Variants in DNAH6 observed in about 807,000 individuals in gnomAD.
The protein encoded by DNAH6 is dynein axonemal heavy chain 6.
DNAH6 carries 340 observed loss-of-function variants against 491.4 expected under a neutral mutation model. The ratio of observed to expected loss-of-function variants is 0.69; its 90% CI spans 0.63 to 0.76. The LOEUF (loss-of-function observed/expected upper bound fraction) is 0.76, where lower values mean the gene tolerates loss of function less well. Among genes scored for constraint, DNAH6 ranks in the 30% least tolerant of loss-of-function variants. The probability of loss-of-function intolerance (pLI) is 0.00; values close to 1 mark genes in which losing one functional copy is unlikely to be tolerated. For synonymous variants in DNAH6, 1,603 were observed against 1,686.1 expected (o/e 0.95, Z 1.21); for missense variants, 4,443 against 4,972.2 (o/e 0.89, Z 3.20).
chr2:84,721,937 C>A (rs1310634615), intron 59 of DNAH6, among the ~76,000 whole-genome samples: 3 of 152,150 alleles, frequency 2.0e-5, no homozygotes, highest in Non-Finnish European at 4.4e-5. Flanking sequence ...CAGGGGCAGA[C>A]AGCAGTAGAA....
intron 63 of DNAH6, among the ~76,000 whole-genome samples, chr2:84,752,614 A>G (rs1341603509): frequency 2.0e-5 from 3 of 151,834 alleles, no homozygotes; most frequent in African/African-American, 7.3e-5. Context: ...GTCATCCCCC[A>G]GTGCCATCAT....
rs1198561154 is a variant in DNAH6 at position 84,669,488 on chromosome 2, C to T, written c.6284C>T (p.Thr2095Ile). Reference sequence around the variant, plus strand: ...GCAGTCAAGCATTCCGTGTTGTTTACTGGAATAACTGGAGTGGGCAAGGTA... The same window carrying T: ...GCAGTCAAGCATTCCGTGTTGTTTATTGGAATAACTGGAGTGGGCAAGGTA... ...LLAVKHSVLF[T>I]GITGVGKSVI... Residue 2095 changes from threonine (T) to isoleucine (I), a missense_variant, in exon 38 of 77, where the codon ACT becomes ATT. Physicochemically the swap from Thr to Ile is moderately conservative, Grantham distance 89 (BLOSUM62 -1). This residue lies in a region of DNAH6 where 2,977 missense variants were observed against 3,296.6 expected (regional missense o/e 0.90). Transcript: ENST00000389394. 1.3e-6 allele frequency: 2 copies of T among 1,551,708 alleles called. No homozygotes were observed. The highest frequency in any genetic ancestry group is 2.4e-5 in the South Asian group (2 of 84,060).
intron 18 of DNAH6, 57 bp downstream of exon 18, chr2:84,595,846 C>T: frequency 7.0e-7 from 1 of 1,423,530 alleles, no homozygotes; most frequent in Non-Finnish European, 9.2e-7. Flanking sequence ...TTAATTGATG[C>T]TAATGAGACC....
chr2:84,490,232 G>T, the DNAH6 span, among the ~76,000 whole-genome samples: 9 of 3,900 alleles, frequency 2.3e-3, no homozygotes, highest in South Asian at 0.22. Flanking sequence ...AAGTCTTAAC[G>T]CTTGGTTTTC....
At chr2:84,744,622 A>C in intron 62 of DNAH6, among the ~76,000 whole-genome samples, 1 of 152,010 alleles carries the variant, frequency 6.6e-6, no homozygotes. Flanking sequence ...TACCTCTAAC[A>C]GTTATTATTT....
In DNAH6 at chr2:84,819,226, G is replaced by C. The variant is rs545946682; in HGVS notation, c.12374-79G>C. ...GTCAGGCCTGGAACCCAGATGTCTT[G>C]ACTCTTTGTAGCCTCTCTCTTTGTA... is the stretch of plus-strand genomic sequence containing the variant. On this transcript the variant is annotated intron_variant, in intron 76 of 76. Transcript: ENST00000389394. 4.8e-6 allele frequency: 5 copies of C among 1,037,878 alleles called. No individual in the cohort carries two copies. The African/African-American group carries it at 6.5e-5, about 13-fold the overall frequency. 64.3% of individuals were successfully genotyped at this position (1,037,878 alleles called of 1,614,324 possible).
intron 17 of DNAH6, among the ~76,000 whole-genome samples, chr2:84,594,761 G>A (rs569380177): frequency 5.3e-5 from 8 of 152,226 alleles, no homozygotes; most frequent in African/African-American, 1.9e-4. Context: ...TAATTAGAAG[G>A]CACATGTCTT....
intron 40 of DNAH6, among the ~76,000 whole-genome samples, chr2:84,676,402 G>A (rs577656566): frequency 1.3e-5 from 2 of 152,300 alleles, no homozygotes; most frequent in East Asian, 3.9e-4. Flanking sequence ...CAAAAAGGCT[G>A]TGATGTGCCT....
Position 84,694,476 on chromosome 2 carries a change from C to T in DNAH6, c.7520C>T (p.Thr2507Ile), listed in dbSNP as rs769181755. The T allele has an allele frequency of 5.3e-5, 82 of 1,550,408 alleles. No homozygotes were observed. The highest frequency in any genetic ancestry group is 5.8e-5 in the Non-Finnish European group (66 of 1,145,914). The change falls in exon 46 of 77, where the codon ACC (threonine) becomes ATC (isoleucine). Residue 2507 changes from threonine (T) to isoleucine (I), a missense_variant. Transcript: ENST00000389394. ...DKNMVFLFTD[T>I]QIVVEEFLED... ...AATATGGTTTTCCTTTTCACTGACA[C>T]CCAGGTGTGTGTTTAAATAGCCCAT...
At chr2:84,677,507 TCCACTTG>T (rs1282823364) in intron 41 of DNAH6, among the ~76,000 whole-genome samples, 1 of 152,168 alleles carries the variant, frequency 6.6e-6, no homozygotes, top group Non-Finnish European at 1.5e-5. Flanking sequence ...GGTCTGCGTG[TCCACTTG>T]CCACCAAACT....
intron 68 of DNAH6, among the ~76,000 whole-genome samples, chr2:84,787,978 G>A (rs969135140): frequency 4.6e-5 from 7 of 152,108 alleles, no homozygotes; most frequent in Admixed American, 6.5e-5. Context: ...AAAGGAAATC[G>A]ATGATTTTCA....
the DNAH6 span, among the ~76,000 whole-genome samples, chr2:84,501,334 T>C: frequency 6.6e-6 from 1 of 152,256 alleles, no homozygotes; most frequent in East Asian, 1.9e-4. Flanking sequence ...ATTGATTCAT[T>C]TGCATATGTT....
chr2:84,689,617 A>G (rs1198712125), intron 45 of DNAH6, among the ~76,000 whole-genome samples: 1 of 152,214 alleles, frequency 6.6e-6, no homozygotes, highest in Non-Finnish European at 1.5e-5. Flanking sequence ...TGGAAGTCAC[A>G]TAGCATCATT....
At chr2:84,672,272 A>G in intron 39 of DNAH6, 55 bp from the exon 40 acceptor site, 1 of 1,510,686 alleles carries the variant, frequency 6.6e-7, no homozygotes, top group Non-Finnish European at 8.9e-7. Flanking sequence ...GCTTTGTCTT[A>G]CATTTTCTAA....
intron 22 of DNAH6, 76 bp downstream of exon 22, chr2:84,611,930 T>TTA: frequency 7.7e-7 from 1 of 1,302,718 alleles, no homozygotes; most frequent in Non-Finnish European, 1.0e-6. Flanking sequence ...CAGACTAAAA[T>TTA]GTTTCTCTGG....
intron 16 of DNAH6, among the ~76,000 whole-genome samples, chr2:84,589,425 T>G (rs1343242111): frequency 6.6e-6 from 1 of 152,088 alleles, no homozygotes; most frequent in South Asian, 2.1e-4. Context: ...AAGGGTAGAT[T>G]TGAGGACCAG....
intron 37 of DNAH6, among the ~76,000 whole-genome samples, chr2:84,664,400 G>A (rs964255487): frequency 3.9e-5 from 6 of 151,908 alleles, no homozygotes; most frequent in African/African-American, 1.5e-4. Context: ...AGAGATGCAG[G>A]AAGATCTACC....
At chr2:84,550,409 G>C (rs957069953) in intron 9 of DNAH6, among the ~76,000 whole-genome samples, 6 of 152,296 alleles carry the variant, frequency 3.9e-5, no homozygotes, top group Non-Finnish European at 8.8e-5. Flanking sequence ...GCAGAAGTCA[G>C]GCAGTAATGC....
At chr2:84,612,348 G>C (rs938833793) in intron 22 of DNAH6, among the ~76,000 whole-genome samples, 3 of 152,092 alleles carry the variant, frequency 2.0e-5, no homozygotes, top group Non-Finnish European at 4.4e-5. Context: ...GTTTGAATAA[G>C]TTCCATTTCT....
Sources: gnomAD v4.1 joint callset for allele counts (sites outside exome capture counted in the v4.1 genomes callset) on GRCh38, gnomAD v4.1.1 for gene constraint, gnomAD v4.1.1 regional missense constraint, MANE v1.5 for transcripts, NCBI Gene and HGNC (gene_info 2026-07-23, HGNC 2026-07-21) for gene names.